Variants in GRM8 observed in about 807,000 individuals in gnomAD.
GRM8 encodes the protein glutamate metabotropic receptor 8.
GRM8 carries 47 observed loss-of-function variants against 87.2 expected under a neutral mutation model. That is an observed-to-expected ratio of 0.54 (90% CI 0.43 to 0.69). The LOEUF is 0.69. Ranked by LOEUF, GRM8 falls within the 30% of genes least tolerant of loss-of-function variation. The probability of loss-of-function intolerance (pLI) is 0.00; values close to 1 mark genes in which losing one functional copy is unlikely to be tolerated. For synonymous variants in GRM8, 396 were observed against 404.5 expected (o/e 0.98, Z 0.25); for missense variants, 1,019 against 1,139.2 (o/e 0.89, Z 1.52).
chr7:126,916,975 A>T (rs1284155851), intron 3 of GRM8, among the ~76,000 whole-genome samples: 1 of 152,240 alleles, frequency 6.6e-6, no homozygotes, highest in Non-Finnish European at 1.5e-5. Context: ...TTAAAAATGC[A>T]GTTACGTTTT....
chr7:126,815,955 G>A (rs1793748802), intron 6 of GRM8, among the ~76,000 whole-genome samples: 1 of 151,978 alleles, frequency 6.6e-6, no homozygotes, highest in South Asian at 2.1e-4. Context: ...TGAGAATGAT[G>A]CAAAGGTGAG....
intron 6 of GRM8, among the ~76,000 whole-genome samples, chr7:126,814,437 A>G (rs1793582287): frequency 6.6e-6 from 1 of 152,116 alleles, no homozygotes; most frequent in Non-Finnish European, 1.5e-5. Flanking sequence ...GCAATTCAAT[A>G]TTCTATACAA....
chr7:126,682,140 G>A (rs1025391706), intron 7 of GRM8, among the ~76,000 whole-genome samples: 5 of 152,218 alleles, frequency 3.3e-5, no homozygotes, highest in Admixed American at 6.5e-5. Context: ...ATTCCTTACC[G>A]TATAAATGCT....
chr7:127,069,207 G>A (rs1821436679), intron 3 of GRM8, among the ~76,000 whole-genome samples: 1 of 152,146 alleles, frequency 6.6e-6, no homozygotes, highest in South Asian at 2.1e-4. Flanking sequence ...CTGCTGCCCA[G>A]GCTGGAGTGC....
At chr7:127,106,783 A>C in intron 2 of GRM8, 71 bp from the exon 3 acceptor site, 1 of 1,118,720 alleles carries the variant, frequency 8.9e-7, no homozygotes, top group South Asian at 1.3e-5. Context: ...CATATGAGCT[A>C]AACAGCCAAG....
intron 2 of GRM8, among the ~76,000 whole-genome samples, chr7:127,173,910 C>T (rs1793953871): frequency 6.6e-6 from 1 of 152,254 alleles, no homozygotes; most frequent in Non-Finnish European, 1.5e-5. Context: ...TTATTTTTCA[C>T]CTACTATCTT....
At chr7:127,087,891 T>C (rs1236382013) in intron 3 of GRM8, among the ~76,000 whole-genome samples, 3 of 152,212 alleles carry the variant, frequency 2.0e-5, no homozygotes, top group Non-Finnish European at 4.4e-5. Context: ...CAGTGCTCAA[T>C]AATAGGGCTC....
chr7:126,508,898 A>T (rs534699676), intron 9 of GRM8, among the ~76,000 whole-genome samples: 1 of 152,234 alleles, frequency 6.6e-6, no homozygotes, highest in South Asian at 2.1e-4. Flanking sequence ...TAGTAGATCC[A>T]TGTCAGACAG....
At position 127,108,684 on chromosome 7, in the gene GRM8, T is replaced by C. The variant is rs561116475; in HGVS notation, c.511-1972A>G. On this transcript the variant is annotated intron_variant, in intron 2 of 10. Transcript: ENST00000339582. ...AACTAATTATCTCAAATTACTACCTTCAGTCAGTCACTTCCAGGCTGTTTA... is the reference window on the plus strand; with the variant it reads ...AACTAATTATCTCAAATTACTACCTCCAGTCAGTCACTTCCAGGCTGTTTA... Among the ~76,000 whole-genome samples, 4 of 152,290 alleles carry C rather than the reference T, an allele frequency of 2.6e-5. No homozygotes were observed. In the East Asian group the frequency reaches 7.7e-4, roughly 29 times the overall value.
At chr7:126,803,157 T>C (rs921968313) in intron 6 of GRM8, among the ~76,000 whole-genome samples, 24 of 152,228 alleles carry the variant, frequency 1.6e-4, no homozygotes, top group Admixed American at 1.5e-3. Flanking sequence ...GGCTTTTCAT[T>C]GTAAATGTTT....
At chr7:127,004,770 G>T (rs1814096071) in intron 3 of GRM8, among the ~76,000 whole-genome samples, 2 of 151,622 alleles carry the variant, frequency 1.3e-5, no homozygotes, top group Admixed American at 1.3e-4. Flanking sequence ...TCTAGTAGGT[G>T]AAATTTGAGT....
At chr7:127,065,645 G>A (rs1044075733) in intron 3 of GRM8, among the ~76,000 whole-genome samples, 2 of 152,188 alleles carry the variant, frequency 1.3e-5, no homozygotes, top group African/African-American at 4.8e-5. Flanking sequence ...AGAGGGCTGT[G>A]GTGGTGGAGA....
At chr7:127,097,448 C>G (rs1005174390) in intron 3 of GRM8, among the ~76,000 whole-genome samples, 1 of 152,114 alleles carries the variant, frequency 6.6e-6, no homozygotes, top group African/African-American at 2.4e-5. Flanking sequence ...CTCTGGTCTT[C>G]CATGTAGAAT....
chr7:126,805,379 G>A (rs956572405), intron 6 of GRM8, among the ~76,000 whole-genome samples: 2 of 152,176 alleles, frequency 1.3e-5, no homozygotes, highest in African/African-American at 4.8e-5. Flanking sequence ...CAAAGCTTCC[G>A]CATCCCCCTG....
At chr7:126,934,126 C>T (rs1806040388) in intron 3 of GRM8, among the ~76,000 whole-genome samples, 1 of 152,106 alleles carries the variant, frequency 6.6e-6, no homozygotes, top group Non-Finnish European at 1.5e-5. Context: ...TGGATGGAGG[C>T]AAAATCCCCT....
At chr7:126,800,873 T>A (rs28727358) in intron 6 of GRM8, among the ~76,000 whole-genome samples, 1,723 of 152,236 alleles carry the variant, frequency 0.011, 35 homozygotes, top group African/African-American at 0.039. Flanking sequence ...TTGTAAAATA[T>A]TTTTAAAGCC....
At chr7:127,039,338 A>G (rs1196932108) in intron 3 of GRM8, among the ~76,000 whole-genome samples, 1 of 152,074 alleles carries the variant, frequency 6.6e-6, no homozygotes, top group Admixed American at 6.6e-5. Flanking sequence ...GAGAAGACCA[A>G]CCGAAGACAC....
At chr7:127,106,833 A>C in intron 2 of GRM8, 121 bp from the exon 3 acceptor site, 1 of 686,280 alleles carries the variant, frequency 1.5e-6, no homozygotes, top group Admixed American at 2.4e-5. Context: ...TGAAGCCAAA[A>C]TACAGTTTTA....
rs117516933 is a variant in GRM8 at position 126,998,591 on chromosome 7, C to T, written c.728-93908G>A. On this transcript the variant is annotated intron_variant, in intron 3 of 10. Coordinates refer to ENST00000339582, the MANE Select transcript of GRM8 (RefSeq NM_000845.3). Reference sequence around the variant, plus strand: ...TCAGTAAAGATGCAGAATAAAAAATCAATATAAATAGTAGCATTTGTGTAT... The same window carrying T: ...TCAGTAAAGATGCAGAATAAAAAATTAATATAAATAGTAGCATTTGTGTAT... Among the ~76,000 whole-genome samples, 1,315 of 151,326 alleles carry T rather than the reference C, an allele frequency of 8.7e-3. 6 individuals carry two copies. The highest frequency in any genetic ancestry group is 0.014 in the Non-Finnish European group (947 of 67,560).
Sources: gnomAD v4.1 joint callset for allele counts (sites outside exome capture counted in the v4.1 genomes callset) on GRCh38, gnomAD v4.1.1 for gene constraint, MANE v1.5 for transcripts, NCBI Gene and HGNC (gene_info 2026-07-23, HGNC 2026-07-21) for gene names.